Variants in NLGN1 observed in about 807,000 individuals in gnomAD.
The protein encoded by NLGN1 is neuroligin-1.
A neutral mutation model predicts 65.5 loss-of-function variants in NLGN1; 12 were observed. The ratio of observed to expected loss-of-function variants is 0.18; its 90% CI spans 0.12 to 0.30. The LOEUF (loss-of-function observed/expected upper bound fraction) is 0.30, where lower values mean the gene tolerates loss of function less well. Ranked by LOEUF, NLGN1 falls within the 10% of genes least tolerant of loss-of-function variation. NLGN1 has a pLI of 1.00. For synonymous variants in NLGN1, 350 were observed against 359.5 expected (o/e 0.97, Z 0.30); for missense variants, 750 against 1,007.1 (o/e 0.74, Z 3.46).
Position 174,108,155 on chromosome 3 carries a change from G to A in NLGN1, c.647-167160G>A, listed in dbSNP as rs533441210. ...TTTTAAAATTTTGATAAATTCTATT[G>A]TATTGATTTTTTTTCTTTCATGCAT... On this transcript the variant is annotated intron_variant, in intron 4 of 6. Coordinates refer to ENST00000457714, the Ensembl canonical transcript of NLGN1. Among the ~76,000 whole-genome samples the A allele has an allele frequency of 9.9e-5, 15 of 151,960 alleles. No homozygotes were observed. The South Asian group carries it at 2.9e-3, about 29-fold the overall frequency.
chr3:173,553,577 G>T lies in NLGN1; in HGVS notation c.-320-50702G>T, dbSNP rs148136693. On this transcript the variant is annotated intron_variant, in intron 2 of 6. Transcript: ENST00000457714. ...CATAAGTAAGAGGTTTGAACTGAAAGACTACAGAAAAATGACCTCAGAGGT... is the reference window on the plus strand; with the variant it reads ...CATAAGTAAGAGGTTTGAACTGAAATACTACAGAAAAATGACCTCAGAGGT... 5.3e-5 allele frequency among the ~76,000 whole-genome samples: 8 copies of T among 152,294 alleles called. No homozygotes were observed. In the East Asian group the frequency reaches 1.5e-3, roughly 29 times the overall value.
At chr3:173,897,716 A>G (rs1335420829) in intron 4 of NLGN1, among the ~76,000 whole-genome samples, 1 of 152,186 alleles carries the variant, frequency 6.6e-6, no homozygotes, top group Non-Finnish European at 1.5e-5. Flanking sequence ...AAGATAAACA[A>G]TAGATATCTT....
chr3:174,037,715 A>G (rs1731441230), intron 4 of NLGN1, among the ~76,000 whole-genome samples: 1 of 152,210 alleles, frequency 6.6e-6, no homozygotes, highest in Non-Finnish European at 1.5e-5. Context: ...GAATAAATAC[A>G]TCACTAATGC....
rs887626710 is a variant in NLGN1, at chr3:173,517,440, C to T, written c.-321+82362C>T. Among the ~76,000 whole-genome samples, 83 of 152,152 alleles carry T rather than the reference C, an allele frequency of 5.5e-4. 1 individual carries two copies. The highest frequency in any genetic ancestry group is 1.9e-3 in the African/African-American group (78 of 41,566). ...AATCTCAGTACTCTCTCTTACTCCT[C>T]AACCAAAGACAGTATGAATTCTGTA... is the stretch of plus-strand genomic sequence containing the variant. On this transcript the variant is annotated intron_variant, in intron 2 of 6. Transcript: ENST00000457714.
At chr3:173,645,155 T>G (rs1015079089) in intron 3 of NLGN1, among the ~76,000 whole-genome samples, 1 of 152,246 alleles carries the variant, frequency 6.6e-6, no homozygotes, top group Non-Finnish European at 1.5e-5. Context: ...ACTTTCAGGT[T>G]CTTGCTTGCA....
chr3:173,772,925 C>T (rs1395177532), intron 3 of NLGN1, among the ~76,000 whole-genome samples: 1 of 152,166 alleles, frequency 6.6e-6, no homozygotes, highest in Non-Finnish European at 1.5e-5. Flanking sequence ...AAGGCATCAC[C>T]CCAAACTCTT....
At chr3:174,109,539 A>G (rs1316667605) in intron 4 of NLGN1, among the ~76,000 whole-genome samples, 2 of 151,908 alleles carry the variant, frequency 1.3e-5, no homozygotes, top group Admixed American at 1.3e-4. Flanking sequence ...TTGACCTACA[A>G]CTGTCAAGAG....
intron 4 of NLGN1, among the ~76,000 whole-genome samples, chr3:173,999,533 A>G (rs1021406857): frequency 2.6e-5 from 4 of 152,196 alleles, no homozygotes; most frequent in Non-Finnish European, 2.9e-5. Context: ...TGAGACTTAG[A>G]TGATACAAAT....
At chr3:173,904,995 T>A (rs1034740825) in intron 4 of NLGN1, among the ~76,000 whole-genome samples, 3 of 152,178 alleles carry the variant, frequency 2.0e-5, no homozygotes, top group South Asian at 2.1e-4. Flanking sequence ...GAGGTGAGAA[T>A]CTTATCAAAA....
At chr3:173,999,814 C>T (rs554138386) in intron 4 of NLGN1, among the ~76,000 whole-genome samples, 1 of 151,986 alleles carries the variant, frequency 6.6e-6, no homozygotes, top group Non-Finnish European at 1.5e-5. Flanking sequence ...CTGAATCCAC[C>T]CTTGAAGAGT....
chr3:174,275,889 G>C (rs2152887235), intron 5 of NLGN1, among the ~76,000 whole-genome samples: 1 of 151,930 alleles, frequency 6.6e-6, no homozygotes, highest in East Asian at 1.9e-4. Context: ...TTTACATGCA[G>C]GGATTGTATA....
chr3:173,895,700 T>C (rs1045829379), intron 4 of NLGN1, among the ~76,000 whole-genome samples: 14 of 151,824 alleles, frequency 9.2e-5, no homozygotes, highest in Non-Finnish European at 1.8e-4. Flanking sequence ...CTTTTTTTTT[T>C]CTTTTTTGAG....
intron 4 of NLGN1, among the ~76,000 whole-genome samples, chr3:174,157,877 AC>A (rs922667018): frequency 1.1e-4 from 16 of 151,770 alleles, no homozygotes; most frequent in African/African-American, 3.6e-4. Context: ...CTTCCTTTCC[AC>A]CCTTAGAACA....
At chr3:173,650,969 A>T (rs992968887) in intron 3 of NLGN1, among the ~76,000 whole-genome samples, 10 of 151,342 alleles carry the variant, frequency 6.6e-5, no homozygotes, top group African/African-American at 2.4e-4. Flanking sequence ...GTACAAGTGC[A>T]TTTTTGATAC....
chr3:173,672,747 C>T (rs1036336961), intron 3 of NLGN1, among the ~76,000 whole-genome samples: 3 of 152,178 alleles, frequency 2.0e-5, no homozygotes, highest in Non-Finnish European at 2.9e-5. Flanking sequence ...TTATGTATAA[C>T]ATTTTATAAT....
chr3:173,997,058 T>C (rs2152421504), intron 4 of NLGN1, among the ~76,000 whole-genome samples: 1 of 152,224 alleles, frequency 6.6e-6, no homozygotes, highest in Non-Finnish European at 1.5e-5. Flanking sequence ...TAATATTAAA[T>C]AGAATGGAAA....
intron 2 of NLGN1, among the ~76,000 whole-genome samples, chr3:173,553,273 T>A (rs1314667912): frequency 6.6e-6 from 1 of 152,160 alleles, no homozygotes; most frequent in Non-Finnish European, 1.5e-5. Flanking sequence ...TTATATTATT[T>A]ACTAAGCCTG....
intron 1 of NLGN1, among the ~76,000 whole-genome samples, chr3:173,422,246 A>C (rs1715233287): frequency 6.6e-6 from 1 of 152,222 alleles, no homozygotes; most frequent in South Asian, 2.1e-4. Flanking sequence ...GGAAGACATT[A>C]TGCTAATTGA....
intron 2 of NLGN1, among the ~76,000 whole-genome samples, chr3:173,596,743 A>G (rs1749558256): frequency 6.6e-6 from 1 of 152,206 alleles, no homozygotes; most frequent in Non-Finnish European, 1.5e-5. Flanking sequence ...GAACTTCTCC[A>G]TGATCAAGAC....
Sources: gnomAD v4.1 joint callset for allele counts (sites outside exome capture counted in the v4.1 genomes callset) on GRCh38, gnomAD v4.1.1 for gene constraint, MANE v1.5 for transcripts, NCBI Gene and HGNC (gene_info 2026-07-23, HGNC 2026-07-21) for gene names.